The following UTRN variants were observed in gnomAD, a reference collection of about 807,000 sequenced individuals.
UTRN encodes the protein utrophin.
UTRN carries 283 observed loss-of-function variants against 463.9 expected under a neutral mutation model. The observed-to-expected ratio is 0.61, with a 90% CI of 0.55 to 0.67. The LOEUF (loss-of-function observed/expected upper bound fraction) is 0.67, where lower values mean the gene tolerates loss of function less well. UTRN is among the 30% of genes least tolerant of loss of function. The pLI is 0.00. For missense variants in UTRN, 3,922 were observed against 4,084.3 expected, an observed-to-expected ratio of 0.96 and a Z score of 1.08; for synonymous variants, 1,442 against 1,431.5, an observed-to-expected ratio of 1.01 and a Z score of -0.17.
At chr6:144,331,075 G>C (rs1562256886) in intron 2 of UTRN, 1 of 957,026 alleles carries the variant, frequency 1.0e-6, no homozygotes, top group South Asian at 4.8e-5. Context: ...TCATTGAAAG[G>C]AAGCCGAGGC....
At chr6:144,721,295 T>A (rs1692598677) in intron 53 of UTRN, among the ~76,000 whole-genome samples, 1 of 152,194 alleles carries the variant, frequency 6.6e-6, no homozygotes, top group Non-Finnish European at 1.5e-5. Flanking sequence ...CACTGTAGCC[T>A]CAAACTCCTG....
intron 53 of UTRN, chr6:144,708,324 C>A: frequency 3.0e-6 from 2 of 667,148 alleles, no homozygotes; most frequent in South Asian, 2.7e-5. Flanking sequence ...ACCAAGAAGT[C>A]TTCTGTATTT....
chr6:144,603,882 C>T (rs1804534565), intron 51 of UTRN, among the ~76,000 whole-genome samples: 1 of 152,104 alleles, frequency 6.6e-6, no homozygotes, highest in African/African-American at 2.4e-5. Context: ...ATGGTCTAGT[C>T]AACTCTTGAC....
chr6:144,744,913 A>G (rs760091277), intron 54 of UTRN, among the ~76,000 whole-genome samples: 5 of 152,240 alleles, frequency 3.3e-5, no homozygotes, highest in Non-Finnish European at 1.5e-5. Context: ...TACATGGTCC[A>G]GAGAAATCAA....
chr6:144,677,927 TG>T (rs1355099164), intron 51 of UTRN, among the ~76,000 whole-genome samples: 2 of 152,246 alleles, frequency 1.3e-5, no homozygotes, highest in African/African-American at 4.8e-5. Context: ...TTGAATCCTT[TG>T]CCCACTTTTT....
chr6:144,563,467 G>C (rs556777231), intron 50 of UTRN, among the ~76,000 whole-genome samples: 3 of 152,222 alleles, frequency 2.0e-5, no homozygotes, highest in African/African-American at 7.2e-5. Context: ...TATCAGCCAG[G>C]CTCAACCTTC....
rs537442981 is a variant in UTRN, at chr6:144,711,919, T to G, written c.7809+11676T>G. Among the ~76,000 whole-genome samples the G allele has an allele frequency of 7.9e-5, 12 of 152,276 alleles. No homozygotes were observed. In the South Asian group the frequency reaches 2.5e-3, roughly 32 times the overall value. On this transcript the variant is annotated intron_variant, in intron 53 of 74. Transcript: ENST00000367545. The stretch of plus-strand genomic sequence containing the variant: ...AAACTTGCTCATTAAAATAACAAAT[T>G]CTAACATTGTCTTTAAAACAACAAC...
At chr6:144,399,045 T>G (rs1187474437) in intron 2 of UTRN, among the ~76,000 whole-genome samples, 1 of 152,214 alleles carries the variant, frequency 6.6e-6, no homozygotes, top group African/African-American at 2.4e-5. Context: ...GAAAACTACA[T>G]TTTTAATTTT....
intron 31 of UTRN, 26 bp from the exon 32 acceptor site, chr6:144,490,903 T>C: frequency 6.5e-7 from 1 of 1,550,368 alleles, no homozygotes; most frequent in Non-Finnish European, 8.7e-7. Flanking sequence ...CTGATGGGAA[T>C]TGCATATTTT....
At chr6:144,485,348 T>A (rs1202279107) in intron 27 of UTRN, 37 bp from the exon 28 acceptor site, 1 of 1,612,890 alleles carries the variant, frequency 6.2e-7, no homozygotes, top group African/African-American at 1.3e-5. Flanking sequence ...ATGTGTGAAA[T>A]GGCTTTTTGT....
At chr6:144,839,029 T>G (rs1195379102) in intron 71 of UTRN, 144 bp from the exon 72 acceptor site, 1 of 583,694 alleles carries the variant, frequency 1.7e-6, no homozygotes, top group Admixed American at 3.4e-5. Context: ...AAGCTGATGC[T>G]AAAATGTATG....
chr6:144,482,626 A>C (rs1792014976), intron 27 of UTRN, among the ~76,000 whole-genome samples: 1 of 152,144 alleles, frequency 6.6e-6, no homozygotes, highest in South Asian at 2.1e-4. Flanking sequence ...TAATTATCAG[A>C]AGGTTCTTGG....
intron 51 of UTRN, among the ~76,000 whole-genome samples, chr6:144,609,705 A>G (rs1247526639): frequency 2.6e-5 from 4 of 152,232 alleles, no homozygotes; most frequent in African/African-American, 9.6e-5. Context: ...AGCAAATGTA[A>G]GAGTATTGAA....
In UTRN at chr6:144,474,652, A is replaced by G. The variant is rs1410381053; in HGVS notation, c.3229A>G (p.Lys1077Glu). ...ETIESSLKNMKEIETNLRSGP... is the reference protein window; with the variant it reads ...ETIESSLKNMEEIETNLRSGP... The stretch of plus-strand genomic sequence containing the variant: ...AATTGAATCATCTCTGAAAAACATG[A>G]AGGAAATAGAGACTAATCTTCGAAG... The change falls in exon 25 of 75, where the codon AAG (lysine) becomes GAG (glutamate). Residue 1077 changes from lysine to glutamate, a missense_variant. Lys to Glu is a moderately conservative substitution (Grantham distance 56). Transcript: ENST00000367545. The G allele has an allele frequency of 6.2e-7, 1 of 1,613,850 alleles. No homozygotes were observed. Among genetic ancestry groups the G allele is most frequent in the Non-Finnish European group, 8.5e-7 (1 of 1,179,898 alleles).
At chr6:144,761,009 A>G (rs1792607302) in intron 58 of UTRN, among the ~76,000 whole-genome samples, 1 of 152,162 alleles carries the variant, frequency 6.6e-6, no homozygotes, top group South Asian at 2.1e-4. Flanking sequence ...TCTCTAGGTA[A>G]TTCCTTATTA....
At chr6:144,665,307 T>G (rs564624306) in intron 51 of UTRN, among the ~76,000 whole-genome samples, 2 of 152,310 alleles carry the variant, frequency 1.3e-5, no homozygotes, top group East Asian at 3.9e-4. Context: ...TTTATTATAA[T>G]GTGAGGAAAT....
intron 34 of UTRN, among the ~76,000 whole-genome samples, chr6:144,503,815 A>G (rs1794449728): frequency 6.6e-6 from 1 of 152,194 alleles, no homozygotes; most frequent in Non-Finnish European, 1.5e-5. Flanking sequence ...AATAGCATTG[A>G]ATCTAAAAAT....
intron 2 of UTRN, among the ~76,000 whole-genome samples, chr6:144,400,939 T>G (rs111629971): frequency 0.022 from 3,363 of 152,312 alleles, 120 homozygotes; most frequent in African/African-American, 0.077. Flanking sequence ...ATGGAAAGAT[T>G]ATTATCATTG....
intron 2 of UTRN, among the ~76,000 whole-genome samples, chr6:144,370,518 A>G (rs1387477023): frequency 1.3e-5 from 2 of 152,236 alleles, no homozygotes; most frequent in Non-Finnish European, 2.9e-5. Context: ...GCAGGGGCAG[A>G]GCCCTAATGG....
Sources: allele counts gnomAD v4.1 joint callset (sites outside exome capture counted in the v4.1 genomes callset), GRCh38; gene constraint gnomAD v4.1.1; transcripts MANE v1.5; gene names NCBI Gene and HGNC (gene_info 2026-07-23, HGNC 2026-07-21).